PROX2: variants seen among roughly 807,000 people sequenced by gnomAD.
PROX2 encodes the protein prospero homeobox protein 2.
In PROX2, 46 loss-of-function variants were observed where a neutral mutation model predicts 48.9. The observed-to-expected ratio is 0.94, with a 90% CI of 0.74 to 1.20. The LOEUF is 1.20. Ranked by LOEUF, PROX2 falls within the 50% of genes most tolerant of loss-of-function variation. The pLI, the probability that PROX2 is intolerant of heterozygous loss-of-function variation, is 0.00. For synonymous variants in PROX2, 260 were observed against 276.6 expected, an observed-to-expected ratio of 0.94 and a Z score of 0.60; for missense variants, 663 against 719.4, an observed-to-expected ratio of 0.92 and a Z score of 0.90.
In PROX2 at chr14:74,863,730, A is replaced by C. The variant is rs374677617; in HGVS notation, c.105T>G (p.Asp35Glu). ...GACTCCAGGGAAACGGGGAGTCTCT[A>C]TCCAGCTCTGGAGGGGATGAGCTTC... The part of the protein sequence containing the change: ...GERSSSPPEL[D>E]RDSPFPWSQV... The change falls in exon 3 of 6, where the codon GAT becomes GAG. Residue 35 changes from aspartate to glutamate, a missense_variant. Asp to Glu is a conservative substitution (Grantham distance 45). Transcript: ENST00000556489. 35 of 1,532,900 alleles carry C rather than the reference A, an allele frequency of 2.3e-5. No homozygotes were observed. Among genetic ancestry groups the C allele is most frequent in the Middle Eastern group, 1.8e-4 (1 of 5,668 alleles). 95.0% of individuals were successfully genotyped at this position (1,532,900 alleles called of 1,614,324 possible).
rs1381820536 is a variant in PROX2, at chr14:74,863,205, C to T, written c.630G>A (p.Glu210=). ...LSGAEKHQES[E]KPSFLPSGAP... is the part of the protein sequence containing the mutation. ...CTCCAGAAGGAAGGAAACTGGGCTT[C>T]TCAGACTCTTGGTGTTTTTCTGCCC... The change falls in exon 3 of 6, where the codon GAG becomes GAA. Residue 210 remains glutamate, a synonymous_variant. Transcript: ENST00000556489. The T allele has an allele frequency of 1.2e-6, 2 of 1,613,922 alleles. No individual in the cohort carries two copies. Among genetic ancestry groups the T allele is most frequent in the African/African-American group, 1.3e-5 (1 of 74,932 alleles).
intron 2 of PROX2, among the ~76,000 whole-genome samples, chr14:74,868,730 G>A (rs1402981677): frequency 6.6e-6 from 1 of 151,868 alleles, no homozygotes; most frequent in Non-Finnish European, 1.5e-5. Context: ...CCAGCTACTC[G>A]GGAGGCTGAG....
intron 4 of PROX2, 108 bp from the exon 5 acceptor site, chr14:74,857,103 C>A: frequency 3.8e-6 from 3 of 792,694 alleles, no homozygotes; most frequent in East Asian, 2.5e-5. Flanking sequence ...CTTTAACCAG[C>A]ATTAACAGGG....
intron 2 of PROX2, among the ~76,000 whole-genome samples, chr14:74,869,754 C>A (rs1337473499): frequency 6.6e-6 from 1 of 152,098 alleles, no homozygotes. Flanking sequence ...AAATCTTTGC[C>A]GTTATGGTAG....
chr14:74,861,340 C>A (rs1419751080), intron 3 of PROX2: 1 of 688,600 alleles, frequency 1.5e-6, no homozygotes, highest in African/African-American at 1.8e-5. Flanking sequence ...AACTTAAGTT[C>A]TGCAAGATGC....
rs767225030 is a variant in PROX2 at position 74,862,529 on chromosome 14, T to C, written c.1305+1A>G. 82 of 1,610,884 alleles carry C rather than the reference T, an allele frequency of 5.1e-5. No homozygotes were observed. In the East Asian group the frequency reaches 1.8e-3, roughly 36 times the overall value. ...GAACTTCAATTGCTATTAAAGGATA[T>C]GTGGACCAAAGAGAAAGGCAGTGCC... On this transcript the variant is annotated splice_donor_variant, in intron 3 of 5. Coordinates refer to ENST00000556489, the MANE Select transcript of PROX2 (RefSeq NM_001243007.2). LOFTEE classifies it high-confidence loss of function.
rs909165307 is a variant in PROX2, at chr14:74,853,039, G to A, written c.*2093C>T. The A allele has an allele frequency of 6.6e-6, 1 of 152,196 alleles. No individual in the cohort carries two copies. Among genetic ancestry groups the A allele is most frequent in the Admixed American group, 6.5e-5 (1 of 15,284 alleles). 9.4% of individuals were successfully genotyped at this position (152,196 alleles called of 1,614,324 possible). Reference sequence around the variant, plus strand: ...CAAATAGAATTCTTCTGTTGGCAGAGCATACATATTTATACATTCTTCTGT... The same window carrying A: ...CAAATAGAATTCTTCTGTTGGCAGAACATACATATTTATACATTCTTCTGT... On this transcript the variant is annotated 3_prime_UTR_variant, in exon 6 of 6. Coordinates refer to ENST00000556489, the MANE Select transcript of PROX2 (RefSeq NM_001243007.2).
intron 1 of PROX2, among the ~76,000 whole-genome samples, chr14:74,871,460 T>C (rs1431005446): frequency 1.3e-5 from 2 of 151,760 alleles, no homozygotes; most frequent in Non-Finnish European, 2.9e-5. Flanking sequence ...TGAGGGTGAG[T>C]TTGAATTTCA....
rs1883335947 is a variant in PROX2 at position 74,876,039 on chromosome 14, C to T, written c.-454G>A. The stretch of plus-strand genomic sequence containing the variant: ...GAAGTGCTTCTGGTTTCCCTGCTTC[C>T]TCTCCAGGCAGGCCGGGTGCCCGTG... On this transcript the variant is annotated 5_prime_UTR_variant, in exon 1 of 6. Coordinates refer to ENST00000556489, the MANE Select transcript of PROX2 (RefSeq NM_001243007.2). Among the ~76,000 whole-genome samples the T allele has an allele frequency of 6.6e-6, 1 of 152,228 alleles. No individual in the cohort carries two copies. The highest frequency in any genetic ancestry group is 2.1e-4 in the South Asian group (1 of 4,832).
chr14:74,867,565 A>C (rs1450494668), intron 2 of PROX2, among the ~76,000 whole-genome samples: 2 of 152,138 alleles, frequency 1.3e-5, no homozygotes, highest in Non-Finnish European at 2.9e-5. Flanking sequence ...TTGTCCATAA[A>C]TACTTCATTT....
At chr14:74,858,342 A>G in intron 4 of PROX2, 65 bp downstream of exon 4, 1 of 998,784 alleles carries the variant, frequency 1.0e-6, no homozygotes, top group South Asian at 1.4e-5. Flanking sequence ...CTTGCCTCAC[A>G]CCAGGCAAAA....
intron 1 of PROX2, chr14:74,874,338 T>C (rs1320935689): frequency 1.2e-5 from 3 of 249,926 alleles, no homozygotes; most frequent in Non-Finnish European, 1.6e-5. Context: ...CTGCAACCTC[T>C]GCCTCCCGGG....
At chr14:74,866,179 A>T (rs1436217164) in intron 2 of PROX2, among the ~76,000 whole-genome samples, 1 of 151,992 alleles carries the variant, frequency 6.6e-6, no homozygotes, top group Middle Eastern at 3.2e-3. Context: ...AATTGTTTGA[A>T]TCCAGGAGGT....
chr14:74,859,280 C>G (rs2091777059), intron 3 of PROX2: 1 of 152,190 alleles, frequency 6.6e-6, no homozygotes, highest in Non-Finnish European at 1.5e-5. Context: ...TTTGTACAAA[C>G]TGTTGCAGCG....
At chr14:74,867,472 G>A (rs74063628) in intron 2 of PROX2, among the ~76,000 whole-genome samples, 17,632 of 152,142 alleles carry the variant, frequency 0.12, 1,626 homozygotes, top group African/African-American at 0.26. Flanking sequence ...CTTCCCCTTT[G>A]GTCTGTGAGC....
rs541503864 is a variant in PROX2, at chr14:74,863,267, C to T, written c.568G>A (p.Gly190Ser). The change falls in exon 3 of 6, where the codon GGT (glycine) becomes AGT (serine). Residue 190 changes from glycine (G) to serine (S), a missense_variant. Physicochemically the swap from Gly to Ser is moderately conservative, Grantham distance 56. Coordinates refer to ENST00000556489, the MANE Select transcript of PROX2 (RefSeq NM_001243007.2). ...TTGCTGGTACCTTGCTGGTGGTCAC[C>T]GTCCACAACCCAGGGGCGAGGCCCA... ...GCGPRPWVVD[G>S]DHQQGTSKDL... 4.4e-5 allele frequency: 71 copies of T among 1,613,856 alleles called. No individual in the cohort carries two copies. In the South Asian group the frequency reaches 7.2e-4, roughly 16 times the overall value.
At chr14:74,873,965 G>A (rs575930826) in intron 1 of PROX2, 21 of 491,088 alleles carry the variant, frequency 4.3e-5, no homozygotes, top group African/African-American at 7.9e-5. Context: ...ATAGGAATGT[G>A]GAAGAGTTTG....
In PROX2 at chr14:74,856,922, T is replaced by TC. The variant is rs1277098450; in HGVS notation, c.1486dup (p.Glu496GlyfsTer39). 1 of 1,614,034 alleles carries TC rather than the reference T, an allele frequency of 6.2e-7. No individual in the cohort carries two copies. The highest frequency in any genetic ancestry group is 8.5e-7 in the Non-Finnish European group (1 of 1,179,896). Reference sequence around the variant, plus strand: ...TGAAATTGCTTGCCGGGCAGATTTTTCCATTTGGATGTAATAAAACTCACG... The same window carrying TC: ...TGAAATTGCTTGCCGGGCAGATTTTTCCCATTTGGATGTAATAAAACTCACG... On this transcript the variant is annotated frameshift_variant, in exon 5 of 6. Transcript: ENST00000556489. LOFTEE classifies it high-confidence loss of function.
chr14:74,866,027 C>T (rs566987875), intron 2 of PROX2, among the ~76,000 whole-genome samples: 2 of 152,046 alleles, frequency 1.3e-5, no homozygotes, highest in African/African-American at 4.8e-5. Flanking sequence ...GAGGCAGAGG[C>T]GGGTGGATCA....
Sources: gnomAD v4.1 joint callset for allele counts (sites outside exome capture counted in the v4.1 genomes callset) on GRCh38, gnomAD v4.1.1 for gene constraint, MANE v1.5 for transcripts, NCBI Gene and HGNC (gene_info 2026-07-23, HGNC 2026-07-21) for gene names.